PDE4D: variants seen among roughly 807,000 people sequenced by gnomAD.
PDE4D encodes phosphodiesterase 4D, also known as 3',5'-cyclic-AMP phosphodiesterase 4D.
PDE4D carries 24 observed loss-of-function variants against 87.4 expected under a neutral mutation model. The ratio of observed to expected loss-of-function variants is 0.27; its 90% CI spans 0.20 to 0.39. The LOEUF (loss-of-function observed/expected upper bound fraction) is 0.39, where lower values mean the gene tolerates loss of function less well. Ranked by LOEUF, PDE4D falls within the 10% of genes least tolerant of loss-of-function variation. The probability of loss-of-function intolerance (pLI) is 1.00; values close to 1 mark genes in which losing one functional copy is unlikely to be tolerated. For missense variants in PDE4D, 714 were observed against 1,041.0 expected (o/e 0.69, Z 4.32); for synonymous variants, 384 against 383.2 (o/e 1.00, Z -0.02).
intron 1 of PDE4D, among the ~76,000 whole-genome samples, chr5:59,557,510 T>C: frequency 6.8e-6 from 1 of 147,474 alleles, no homozygotes; most frequent in East Asian, 2.0e-4. Flanking sequence ...TGTGGCCAGG[T>C]TTTTTTTTTT....
chr5:60,018,410 A>G (rs984211109), intron 2 of PDE4D, among the ~76,000 whole-genome samples: 11 of 152,194 alleles, frequency 7.2e-5, no homozygotes, highest in Non-Finnish European at 1.5e-4. Context: ...GACCAAGGAC[A>G]CTATATAGCA....
intron 1 of PDE4D, among the ~76,000 whole-genome samples, chr5:60,410,550 C>A (rs1271892330): frequency 6.6e-6 from 1 of 152,236 alleles, no homozygotes; most frequent in African/African-American, 2.4e-5. Context: ...AAAATCAAAA[C>A]TAAGAAGCTA....
intron 1 of PDE4D, among the ~76,000 whole-genome samples, chr5:59,641,378 A>C (rs1278559981): frequency 6.6e-6 from 1 of 152,014 alleles, no homozygotes; most frequent in Non-Finnish European, 1.5e-5. Context: ...CATATCCATC[A>C]CTCCCACACT....
At chr5:59,868,906 T>C (rs1488796663) in intron 1 of PDE4D, among the ~76,000 whole-genome samples, 14 of 152,220 alleles carry the variant, frequency 9.2e-5, no homozygotes, top group Non-Finnish European at 1.6e-4. Context: ...AAAACTATCA[T>C]AGTCATATTA....
intron 3 of PDE4D, among the ~76,000 whole-genome samples, chr5:59,978,048 A>G (rs1395745265): frequency 6.6e-6 from 1 of 152,202 alleles, no homozygotes; most frequent in Non-Finnish European, 1.5e-5. Flanking sequence ...GTTCATTGAC[A>G]ATGCACCTAG....
At chr5:59,268,262 C>G (rs1359712626) in intron 1 of PDE4D, among the ~76,000 whole-genome samples, 1 of 152,042 alleles carries the variant, frequency 6.6e-6, no homozygotes, top group African/African-American at 2.4e-5. Context: ...TAAATACTTA[C>G]AATATTGCCC....
At chr5:58,983,839 A>C (rs191404664) in intron 11 of PDE4D, among the ~76,000 whole-genome samples, 104 of 152,296 alleles carry the variant, frequency 6.8e-4, no homozygotes, top group African/African-American at 2.2e-3. Context: ...TTTTCAGATC[A>C]CTTAGTAAAT....
At chr5:60,506,691 A>G (rs543456847) in intron 1 of PDE4D, among the ~76,000 whole-genome samples, 2 of 152,314 alleles carry the variant, frequency 1.3e-5, no homozygotes, top group South Asian at 4.1e-4. Context: ...AGATGAAATG[A>G]TACTGTGGGA....
At position 59,966,306 on chromosome 5, in the gene PDE4D, G is replaced by A. The variant is rs117519312; in HGVS notation, c.272+22182C>T. Among the ~76,000 whole-genome samples, 181 of 152,170 alleles carry A rather than the reference G, an allele frequency of 1.2e-3. 1 individual carries two copies. The highest frequency in any genetic ancestry group is 9.1e-3 in the East Asian group (47 of 5,170). On this transcript the variant is annotated intron_variant, in intron 3 of 16. Transcript: ENST00000502484. Reference sequence around the variant, plus strand: ...GGAAAGTATATTAGAGCTTTTCTTCGTCTAGAGCCTTAATAGAAAGACAAA... The same window carrying A: ...GGAAAGTATATTAGAGCTTTTCTTCATCTAGAGCCTTAATAGAAAGACAAA...
chr5:60,359,290 C>T (rs775402254), intron 1 of PDE4D, among the ~76,000 whole-genome samples: 1 of 152,154 alleles, frequency 6.6e-6, no homozygotes, highest in Non-Finnish European at 1.5e-5. Flanking sequence ...AGCCTGTGAT[C>T]CCAGCTACTC....
At chr5:60,349,373 A>G (rs2149919970) in intron 1 of PDE4D, among the ~76,000 whole-genome samples, 1 of 152,200 alleles carries the variant, frequency 6.6e-6, no homozygotes, top group East Asian at 1.9e-4. Flanking sequence ...ACAATTACAG[A>G]CCCCCACATC....
At chr5:59,447,871 G>T (rs1798576613) in intron 1 of PDE4D, among the ~76,000 whole-genome samples, 1 of 152,166 alleles carries the variant, frequency 6.6e-6, no homozygotes, top group South Asian at 2.1e-4. Context: ...AAATCACTGT[G>T]TGCCCCTGCC....
intron 1 of PDE4D, among the ~76,000 whole-genome samples, chr5:60,258,864 G>T (rs1749360851): frequency 6.6e-6 from 1 of 151,530 alleles, no homozygotes; most frequent in African/African-American, 2.4e-5. Context: ...AGTTTCAAAT[G>T]AAAAAAATCA....
At chr5:59,450,854 C>T (rs1418962640) in intron 1 of PDE4D, among the ~76,000 whole-genome samples, 2 of 152,162 alleles carry the variant, frequency 1.3e-5, no homozygotes, top group East Asian at 3.9e-4. Context: ...CTCTGATACG[C>T]AGCTTCATCC....
chr5:58,973,707 C>T lies in PDE4D; in HGVS notation c.*957G>A, dbSNP rs907052777. The T allele has an allele frequency of 6.6e-6, 1 of 152,580 alleles. No homozygotes were observed. The highest frequency in any genetic ancestry group is 2.4e-5 in the African/African-American group (1 of 41,452). The allele number at this position is 152,580 out of a possible 1,614,324, so 9.5% of individuals were successfully genotyped here. ...ATAAAAGTATTATAGAACAAATAGT[C>T]ACTTTGCACATGAAGAAAAACACTG... is the stretch of plus-strand genomic sequence containing the variant. On this transcript the variant is annotated 3_prime_UTR_variant, in exon 15 of 15. Transcript: ENST00000340635.
intron 6 of PDE4D, among the ~76,000 whole-genome samples, chr5:59,030,062 G>A (rs899417601): frequency 6.6e-6 from 1 of 151,988 alleles, no homozygotes; most frequent in African/African-American, 2.4e-5. Flanking sequence ...TTAAACATAA[G>A]ACCTGAAACT....
intron 5 of PDE4D, among the ~76,000 whole-genome samples, chr5:59,050,435 C>T (rs569301719): frequency 7.2e-4 from 109 of 152,280 alleles, no homozygotes; most frequent in Non-Finnish European, 1.4e-3. Flanking sequence ...ACTATTTTGG[C>T]CTACTGGTAA....
chr5:59,958,651 G>T (rs1004425867), intron 3 of PDE4D, among the ~76,000 whole-genome samples: 5 of 151,998 alleles, frequency 3.3e-5, no homozygotes, highest in Non-Finnish European at 5.9e-5. Flanking sequence ...ATCCCTTCAT[G>T]ATAAAAACCC....
intron 1 of PDE4D, among the ~76,000 whole-genome samples, chr5:59,527,052 T>A (rs1214321065): frequency 6.6e-6 from 1 of 152,168 alleles, no homozygotes; most frequent in African/African-American, 2.4e-5. Context: ...TTTCTTCTCA[T>A]GCCAAAATAA....
Sources: allele counts gnomAD v4.1 joint callset (sites outside exome capture counted in the v4.1 genomes callset), GRCh38; gene constraint gnomAD v4.1.1; transcripts MANE v1.5; gene names NCBI Gene and HGNC (gene_info 2026-07-23, HGNC 2026-07-21).